ZNF654: variants seen among roughly 807,000 people sequenced by gnomAD.
ZNF654 encodes the protein melanoma-associated antigen.
ZNF654 carries 19 observed loss-of-function variants against 95.3 expected under a neutral mutation model. The observed-to-expected ratio is 0.20, with a 90% confidence interval of 0.14 to 0.29. The LOEUF is 0.29. ZNF654 is among the 10% of genes least tolerant of loss of function. ZNF654 has a pLI of 1.00. For missense variants in ZNF654, 1,046 were observed against 1,341.0 expected (o/e 0.78, Z 3.44); for synonymous variants, 413 against 457.9 (o/e 0.90, Z 1.25).
intron 3 of ZNF654, among the ~76,000 whole-genome samples, chr3:88,114,742 C>T (rs562688092): frequency 7.2e-5 from 11 of 152,218 alleles, no homozygotes; most frequent in Middle Eastern, 3.4e-3. Context: ...CATTTGCTGA[C>T]CTGAGCTTAT....
At chr3:88,070,900 C>T (rs1707474341) in intron 1 of ZNF654, among the ~76,000 whole-genome samples, 2 of 152,048 alleles carry the variant, frequency 1.3e-5, no homozygotes, top group African/African-American at 4.8e-5. Context: ...TATCTGTGGG[C>T]AGTGCAATGA....
At chr3:88,106,844 C>T (rs1307500186) in intron 2 of ZNF654, among the ~76,000 whole-genome samples, 2 of 152,040 alleles carry the variant, frequency 1.3e-5, no homozygotes, top group East Asian at 3.9e-4. Flanking sequence ...TAATTTTTAA[C>T]ATTTGGCTGT....
At chr3:88,092,385 C>T (rs1246401565) in intron 2 of ZNF654, among the ~76,000 whole-genome samples, 1 of 152,046 alleles carries the variant, frequency 6.6e-6, no homozygotes. Flanking sequence ...AGCAGTTATA[C>T]TTTTATATAA....
intron 1 of ZNF654, among the ~76,000 whole-genome samples, chr3:88,061,009 T>TTTTTATTTTGATAATTGGCATTCAC (rs1343164211): frequency 1.3e-5 from 2 of 152,158 alleles, no homozygotes; most frequent in African/African-American, 2.4e-5. Context: ...TGAAAATGTA[T>TTTTTATTTTGATAATTGGCATTCAC]TTTTATTTTG....
At chr3:88,080,265 T>C (rs1708012016) in intron 1 of ZNF654, among the ~76,000 whole-genome samples, 1 of 152,120 alleles carries the variant, frequency 6.6e-6, no homozygotes, top group Non-Finnish European at 1.5e-5. Flanking sequence ...TTGTAATTAA[T>C]CATACTTGGA....
chr3:88,126,372 C>T (rs1393580172), intron 4 of ZNF654, 103 bp downstream of exon 4: 23 of 1,180,244 alleles, frequency 1.9e-5, no homozygotes, highest in Non-Finnish European at 2.4e-5. Context: ...TTTTATAATA[C>T]TGAATAATGG....
intron 2 of ZNF654, among the ~76,000 whole-genome samples, chr3:88,090,140 C>T (rs1559702736): frequency 6.6e-6 from 1 of 151,848 alleles, no homozygotes; most frequent in Non-Finnish European, 1.5e-5. Flanking sequence ...TTAGAGTGTA[C>T]CTCTTCTACC....
At chr3:88,060,275 G>A (rs1411539608) in intron 1 of ZNF654, among the ~76,000 whole-genome samples, 3 of 152,212 alleles carry the variant, frequency 2.0e-5, no homozygotes, top group Admixed American at 2.0e-4. Context: ...AAAATACAGT[G>A]TCTGAACGGT....
At chr3:88,068,473 CAT>C (rs1428040737) in intron 1 of ZNF654, among the ~76,000 whole-genome samples, 1 of 152,070 alleles carries the variant, frequency 6.6e-6, no homozygotes, top group Non-Finnish European at 1.5e-5. Flanking sequence ...CATAACAAAA[CAT>C]GTACAGGTTG....
chr3:88,086,869 C>T (rs2107663749), intron 2 of ZNF654, among the ~76,000 whole-genome samples: 1 of 151,410 alleles, frequency 6.6e-6, no homozygotes, highest in Admixed American at 6.6e-5. Flanking sequence ...TGCAAGCTCC[C>T]CCTCCCGGGT....
chr3:88,098,551 C>A (rs1301593458), intron 2 of ZNF654, among the ~76,000 whole-genome samples: 1 of 152,022 alleles, frequency 6.6e-6, no homozygotes, highest in Non-Finnish European at 1.5e-5. Context: ...TAGACCAATA[C>A]CCTTGATGAA....
chr3:88,085,995 G>T (rs985720227), intron 1 of ZNF654, among the ~76,000 whole-genome samples: 3 of 152,124 alleles, frequency 2.0e-5, no homozygotes, highest in African/African-American at 4.8e-5. Context: ...AAGGGCATTA[G>T]TTAACAAAAT....
intron 3 of ZNF654, among the ~76,000 whole-genome samples, chr3:88,113,783 C>T (rs1470381676): frequency 6.7e-6 from 1 of 148,820 alleles, no homozygotes; most frequent in Admixed American, 6.8e-5. Flanking sequence ...GTGAAGTGTC[C>T]CTGATCACCC....
rs574204202 is a variant in ZNF654 at position 88,118,233 on chromosome 3, T to C, written c.414+5037T>C. On this transcript the variant is annotated intron_variant, in intron 3 of 8. Coordinates refer to ENST00000636215, the MANE Select transcript of ZNF654 (RefSeq NM_001350134.2). ...CTAGAAGTAGGCCTTAATAAAGCCTTCTTTCCCTGAGACACAACCTGTTTT... is the reference window on the plus strand; with the variant it reads ...CTAGAAGTAGGCCTTAATAAAGCCTCCTTTCCCTGAGACACAACCTGTTTT... 1.1e-4 allele frequency among the ~76,000 whole-genome samples: 16 copies of C among 152,284 alleles called. No homozygotes were observed. In the South Asian group the frequency reaches 2.9e-3, roughly 28 times the overall value.
At chr3:88,078,205 A>G (rs1355528208) in intron 1 of ZNF654, among the ~76,000 whole-genome samples, 1 of 152,158 alleles carries the variant, frequency 6.6e-6, no homozygotes, top group African/African-American at 2.4e-5. Context: ...ATTTAATTTC[A>G]TTCCTTCTTG....
chr3:88,087,301 C>T (rs989117010), intron 2 of ZNF654, among the ~76,000 whole-genome samples: 4 of 151,598 alleles, frequency 2.6e-5, no homozygotes, highest in African/African-American at 9.7e-5. Flanking sequence ...TGGTCTTGAA[C>T]TCCTGACAGG....
rs139836647 is a variant in ZNF654, at chr3:88,104,561, T to C, written c.333-8554T>C. On this transcript the variant is annotated intron_variant, in intron 2 of 8. Coordinates refer to ENST00000636215, the MANE Select transcript of ZNF654 (RefSeq NM_001350134.2). ...AGTGAAATATTATTGGTTTGTAGCATGTTTAAAACCAAATGAATGACAAAA... is the reference window on the plus strand; with the variant it reads ...AGTGAAATATTATTGGTTTGTAGCACGTTTAAAACCAAATGAATGACAAAA... 4.5e-4 allele frequency among the ~76,000 whole-genome samples: 69 copies of C among 152,360 alleles called. No individual in the cohort carries two copies. The East Asian group carries it at 0.013, about 29-fold the overall frequency.
chr3:88,085,538 TTAATA>T (rs1263957558), intron 1 of ZNF654, among the ~76,000 whole-genome samples: 5 of 152,236 alleles, frequency 3.3e-5, no homozygotes, highest in Admixed American at 1.3e-4. Context: ...ATGGATTTTG[TTAATA>T]TAATATATTG....
At chr3:88,090,580 A>G (rs1036793272) in intron 2 of ZNF654, among the ~76,000 whole-genome samples, 3 of 150,506 alleles carry the variant, frequency 2.0e-5, no homozygotes, top group Admixed American at 6.6e-5. Context: ...AAAAATTTTT[A>G]TAAGTGCGGT....
Sources: allele counts gnomAD v4.1 joint callset (sites outside exome capture counted in the v4.1 genomes callset), GRCh38; gene constraint gnomAD v4.1.1; transcripts MANE v1.5; gene names NCBI Gene and HGNC (gene_info 2026-07-23, HGNC 2026-07-21).